The following ABLIM2 variants were observed in gnomAD, a reference collection of about 807,000 sequenced individuals.
ABLIM2 encodes the protein actin-binding LIM protein 2.
Under a neutral mutation model 97.7 loss-of-function variants are expected in ABLIM2, and 53 were observed. The observed-to-expected ratio is 0.54, with a 90% confidence interval of 0.44 to 0.68. ABLIM2 has a LOEUF of 0.68. Among genes scored for constraint, ABLIM2 ranks in the 30% least tolerant of loss-of-function variants. The probability of loss-of-function intolerance (pLI) is 0.00; values close to 1 mark genes in which losing one functional copy is unlikely to be tolerated. For missense variants in ABLIM2, 835 were observed against 867.2 expected (o/e 0.96, Z 0.47); for synonymous variants, 361 against 345.8 (o/e 1.04, Z -0.49).
At position 8,044,323 on chromosome 4, in the gene ABLIM2, C is replaced by A. The variant is rs1790738407; in HGVS notation, c.900+841G>T. Among the ~76,000 whole-genome samples, 1 of 151,990 alleles carries A rather than the reference C, an allele frequency of 6.6e-6. No homozygotes were observed. The highest frequency in any genetic ancestry group is 1.5e-5 in the Non-Finnish European group (1 of 67,998). On this transcript the variant is annotated intron_variant, in intron 9 of 20. Coordinates refer to ENST00000447017, the MANE Select transcript of ABLIM2 (RefSeq NM_001130083.2). This position sits in a 1 kb window ranked among gnomAD's most constrained non-coding sequence, Gnocchi z 4.4. ...CAGCCTACATGGCAGTCCCGGGTGA[C>A]CCCTGGCCACCACCGCATAAGCCAT...
In ABLIM2 at chr4:8,005,961, C is replaced by T. The variant is rs1008297790; in HGVS notation, c.1618+2098G>A. Among the ~76,000 whole-genome samples, 4 of 152,198 alleles carry T rather than the reference C, an allele frequency of 2.6e-5. No individual in the cohort carries two copies. The highest frequency in any genetic ancestry group is 3.2e-3 in the Middle Eastern group (1 of 316). On this transcript the variant is annotated intron_variant, in intron 16 of 20. Transcript: ENST00000447017. This position sits in a 1 kb window ranked among gnomAD's most constrained non-coding sequence, Gnocchi z 4.9. Reference sequence around the variant, plus strand: ...ACCCAGCATGCCAGGATGGAGGCAGCCGCAGCCTGCGTGCATCTGCACAGG... The same window carrying T: ...ACCCAGCATGCCAGGATGGAGGCAGTCGCAGCCTGCGTGCATCTGCACAGG...
At chr4:8,103,138 T>C (rs1423563292) in intron 2 of ABLIM2, among the ~76,000 whole-genome samples, 6 of 152,058 alleles carry the variant, frequency 3.9e-5, no homozygotes. Context: ...CCCTGGTGAG[T>C]TGTTTAATTA....
intron 1 of ABLIM2, among the ~76,000 whole-genome samples, chr4:8,138,370 C>T (rs1561619796): frequency 1.3e-5 from 2 of 151,900 alleles, no homozygotes; most frequent in Non-Finnish European, 2.9e-5. Context: ...TTTAAAAATA[C>T]AAAACAATCA....
In ABLIM2 at chr4:8,087,407, C is replaced by T. The variant is rs1282100532; in HGVS notation, c.454+762G>A. On this transcript the variant is annotated intron_variant, in intron 4 of 20. Transcript: ENST00000447017. This position sits in a 1 kb window ranked among gnomAD's most constrained non-coding sequence, Gnocchi z 4.6. The stretch of plus-strand genomic sequence containing the variant: ...GTTTTTTTTCCACACTAACAACCTC[C>T]TGCTTCCTAATTCAGGAAGCATCTT... 6.6e-6 allele frequency among the ~76,000 whole-genome samples: 1 copy of T among 152,220 alleles called. No homozygotes were observed. The highest frequency in any genetic ancestry group is 2.4e-5 in the African/African-American group (1 of 41,454).
At chr4:8,010,659 G>T in intron 14 of ABLIM2, 2 of 890,434 alleles carry the variant, frequency 2.2e-6, no homozygotes, top group Non-Finnish European at 2.7e-6. Flanking sequence ...GAGAGACAGT[G>T]ATTTTCAGCG....
chr4:8,028,734 CTCACTCAT>C (rs1170295595), intron 11 of ABLIM2, among the ~76,000 whole-genome samples: 4 of 152,066 alleles, frequency 2.6e-5, no homozygotes, highest in East Asian at 3.9e-4. Context: ...CATGCACTCA[CTCACTCAT>C]TCACTCATTC....
At position 8,125,249 on chromosome 4, in the gene ABLIM2, G is replaced by A. The variant is rs1021165532; in HGVS notation, c.11-18612C>T. Among the ~76,000 whole-genome samples, 1 of 152,186 alleles carries A rather than the reference G, an allele frequency of 6.6e-6. No individual in the cohort carries two copies. The highest frequency in any genetic ancestry group is 1.5e-5 in the Non-Finnish European group (1 of 68,038). On this transcript the variant is annotated intron_variant, in intron 1 of 20. Transcript: ENST00000447017. The surrounding 1 kb of genome is among the most constrained non-coding windows in gnomAD (Gnocchi z 6.2). ...CAGTCGTCTATATCTTGTTATGACG[G>A]CTTGGGCTTTGGTGTCTTTTCTAAG...
At chr4:8,020,661 A>G in intron 12 of ABLIM2, 1 of 320,010 alleles carries the variant, frequency 3.1e-6, no homozygotes, top group Middle Eastern at 7.5e-4. Context: ...TCGCCAAAAC[A>G]AAGGCCCCTC....
chr4:7,982,436 G>C (rs149307557), intron 20 of ABLIM2, among the ~76,000 whole-genome samples: 119 of 152,342 alleles, frequency 7.8e-4, no homozygotes, highest in African/African-American at 2.7e-3. Flanking sequence ...TGGATGCTGG[G>C]ACACCGTAGG....
At position 8,019,056 on chromosome 4, in the gene ABLIM2, C is replaced by T. The variant is rs113343700; in HGVS notation, c.1423+562G>A. Among the ~76,000 whole-genome samples, 3 of 152,186 alleles carry T rather than the reference C, an allele frequency of 2.0e-5. No homozygotes were observed. Among genetic ancestry groups the T allele is most frequent in the South Asian group, 2.1e-4 (1 of 4,822 alleles). ...CATGGCCCACGCAAGCTGCTCCCTG[C>T]GCACCTCCCAGGCAGGTTCACGTGG... is the stretch of plus-strand genomic sequence containing the variant. On this transcript the variant is annotated intron_variant, in intron 14 of 20. Transcript: ENST00000447017. This position sits in a 1 kb window ranked among gnomAD's most constrained non-coding sequence, Gnocchi z 4.3.
chr4:8,052,262 C>T (rs1478998913), intron 8 of ABLIM2, among the ~76,000 whole-genome samples: 3 of 152,152 alleles, frequency 2.0e-5, no homozygotes, highest in Admixed American at 6.5e-5. Flanking sequence ...AGGTCCCTTC[C>T]ACAGGCCTTT....
chr4:8,040,769 G>A (rs375471317), intron 9 of ABLIM2, among the ~76,000 whole-genome samples: 7 of 152,312 alleles, frequency 4.6e-5, no homozygotes, highest in African/African-American at 9.6e-5. Context: ...AGGGCTGTTC[G>A]GGCTTCTGGC....
At chr4:8,066,328 A>G (rs1807341173) in intron 6 of ABLIM2, among the ~76,000 whole-genome samples, 1 of 136,532 alleles carries the variant, frequency 7.3e-6, no homozygotes, top group Non-Finnish European at 1.6e-5. Flanking sequence ...AAAAGAAAAA[A>G]GAAAGGAGGG....
chr4:8,142,853 A>G (rs9997048), intron 1 of ABLIM2, among the ~76,000 whole-genome samples: 12,386 of 152,188 alleles, frequency 0.081, 1,629 homozygotes, highest in African/African-American at 0.28. Context: ...CGAGCCCTCA[A>G]TGAGAACATC....
chr4:8,062,561 T>G (rs1460215252), intron 6 of ABLIM2, among the ~76,000 whole-genome samples: 2 of 151,826 alleles, frequency 1.3e-5, no homozygotes, highest in African/African-American at 4.8e-5. Context: ...TGCCTCAGCC[T>G]CCGAGTAGCT....
chr4:7,983,398 C>T lies in ABLIM2; in HGVS notation c.1744-54G>A, dbSNP rs149817377. ...CTCACGAAGCAAGTGTATGCTGGCA[C>T]CAAAGAACTGAGCAGAAGGTCACCG... On this transcript the variant is annotated intron_variant, in intron 19 of 20. Coordinates refer to ENST00000447017, the MANE Select transcript of ABLIM2 (RefSeq NM_001130083.2). 406 of 1,590,050 alleles carry T rather than the reference C, an allele frequency of 2.6e-4. 2 individuals are homozygous for T. In the African/African-American group the frequency reaches 4.6e-3, roughly 18 times the overall value.
At chr4:8,016,043 A>ATTTTTTT (rs4006048) in intron 14 of ABLIM2, among the ~76,000 whole-genome samples, 5 of 111,110 alleles carry the variant, frequency 4.5e-5, no homozygotes, top group African/African-American at 1.1e-4. Context: ...TTGTTGTTGT[A>ATTTTTTT]TTTTTTTTTT....
intron 16 of ABLIM2, among the ~76,000 whole-genome samples, chr4:8,006,526 C>A (rs1246483769): frequency 6.6e-6 from 1 of 152,230 alleles, no homozygotes; most frequent in African/African-American, 2.4e-5. Context: ...TGCCGGGACA[C>A]TGAGCAAAGT....
rs368658733 is a variant in ABLIM2 at position 8,113,035 on chromosome 4, C to T, written c.11-6398G>A. ...CAGGGGGGCAAACTCCTCTTTCTGT[C>T]CAGCGAACCAGCTCTCACGACCCAG... On this transcript the variant is annotated intron_variant, in intron 1 of 20. Coordinates refer to ENST00000447017, the MANE Select transcript of ABLIM2 (RefSeq NM_001130083.2). The surrounding 1 kb of genome is among the most constrained non-coding windows in gnomAD (Gnocchi z 4.5). Among the ~76,000 whole-genome samples the T allele has an allele frequency of 2.6e-5, 4 of 152,200 alleles. No homozygotes were observed. In the East Asian group the frequency reaches 5.8e-4, roughly 22 times the overall value.
Sources: allele counts gnomAD v4.1 joint callset (sites outside exome capture counted in the v4.1 genomes callset), GRCh38; gene constraint gnomAD v4.1.1; non-coding constraint Gnocchi (gnomAD v3.1); transcripts MANE v1.5; gene names NCBI Gene and HGNC (gene_info 2026-07-23, HGNC 2026-07-21).